Variants in VWA8 observed in about 807,000 individuals in gnomAD.
VWA8 encodes von Willebrand factor A domain containing 8.
In VWA8, 221 loss-of-function variants were observed where a neutral mutation model predicts 241.5. The ratio of observed to expected loss-of-function variants is 0.91; its 90% CI spans 0.82 to 1.02. The LOEUF is 1.02. Among genes scored for constraint, VWA8 ranks in the 50% least tolerant of loss-of-function variants. The probability of loss-of-function intolerance (pLI) is 0.00; values close to 1 mark genes in which losing one functional copy is unlikely to be tolerated. For synonymous variants in VWA8, 852 were observed against 827.1 expected (o/e 1.03, Z -0.52); for missense variants, 2,322 against 2,328.7 (o/e 1.00, Z 0.06).
chr13:41,712,516 A>G (rs574584128), intron 26 of VWA8, among the ~76,000 whole-genome samples: 10 of 152,234 alleles, frequency 6.6e-5, no homozygotes, highest in Non-Finnish European at 1.5e-4. Context: ...CTAGTCCTCA[A>G]TGCAAATATC....
intron 9 of VWA8, among the ~76,000 whole-genome samples, chr13:41,880,697 C>T (rs545115475): frequency 3.9e-5 from 6 of 152,318 alleles, no homozygotes; most frequent in African/African-American, 1.2e-4. Context: ...TAGAAATCTA[C>T]AATATTTCCT....
Position 41,715,452 on chromosome 13 carries a change from T to C in VWA8, c.3116+4139A>G, listed in dbSNP as rs1593715196. 2.0e-5 allele frequency among the ~76,000 whole-genome samples: 3 copies of C among 152,152 alleles called. No individual in the cohort carries two copies. The South Asian group carries it at 6.2e-4, about 32-fold the overall frequency. ...TCATGAAAAAGATAGCATTTTTTTCTTTCTTTAAAACAAATGTTTTCCCAG... is the reference window on the plus strand; with the variant it reads ...TCATGAAAAAGATAGCATTTTTTTCCTTCTTTAAAACAAATGTTTTCCCAG... On this transcript the variant is annotated intron_variant, in intron 26 of 44. Transcript: ENST00000379310.
chr13:41,645,549 T>C (rs1415368890), intron 37 of VWA8, among the ~76,000 whole-genome samples: 2 of 152,222 alleles, frequency 1.3e-5, no homozygotes, highest in African/African-American at 2.4e-5. Context: ...TTTTTATGGC[T>C]CTGGCAGCTG....
At chr13:41,888,548 T>C (rs1874658196) in intron 5 of VWA8, among the ~76,000 whole-genome samples, 1 of 152,106 alleles carries the variant, frequency 6.6e-6, no homozygotes, top group Admixed American at 6.5e-5. Context: ...AACAACACCC[T>C]TTTCACTCGC....
chr13:41,893,520 C>A (rs1330647815), intron 4 of VWA8, among the ~76,000 whole-genome samples: 3 of 141,558 alleles, frequency 2.1e-5, no homozygotes, highest in Admixed American at 7.0e-5. Flanking sequence ...AGAACAACAA[C>A]AAAAAAAAGA....
At chr13:41,788,287 A>C (rs1187863808) in intron 17 of VWA8, among the ~76,000 whole-genome samples, 1 of 152,194 alleles carries the variant, frequency 6.6e-6, no homozygotes, top group Non-Finnish European at 1.5e-5. Context: ...AAATAAACAT[A>C]CTAAGAACAT....
intron 42 of VWA8, 128 bp downstream of exon 42, chr13:41,587,384 T>C (rs1236590035): frequency 2.5e-5 from 30 of 1,214,834 alleles, no homozygotes; most frequent in South Asian, 3.5e-5. Context: ...AAAGCTTCAC[T>C]TTCTCTGCAC....
intron 2 of VWA8, among the ~76,000 whole-genome samples, chr13:41,915,129 T>C (rs1452847940): frequency 6.6e-6 from 1 of 152,226 alleles, no homozygotes; most frequent in African/African-American, 2.4e-5. Flanking sequence ...GTTATAGCCA[T>C]AATAGAGACA....
intron 2 of VWA8, among the ~76,000 whole-genome samples, chr13:41,924,270 T>C (rs1289309837): frequency 6.6e-6 from 1 of 151,288 alleles, no homozygotes; most frequent in Non-Finnish European, 1.5e-5. Flanking sequence ...AAATAAAAAA[T>C]ACAAGACAGA....
At chr13:41,891,201 C>CAA (rs11422492) in intron 5 of VWA8, among the ~76,000 whole-genome samples, 8,805 of 136,388 alleles carry the variant, frequency 0.065, 319 homozygotes, top group East Asian at 0.12. Context: ...TTAGACTGAC[C>CAA]AAAAAAAAAA....
chr13:41,651,146 T>C (rs375662856), intron 37 of VWA8, among the ~76,000 whole-genome samples: 1 of 152,078 alleles, frequency 6.6e-6, no homozygotes, highest in Non-Finnish European at 1.5e-5. Context: ...TACAGCCATC[T>C]GATCTTTGAC....
chr13:41,828,913 G>T (rs1191086071), intron 14 of VWA8, among the ~76,000 whole-genome samples: 1 of 151,882 alleles, frequency 6.6e-6, no homozygotes, highest in African/African-American at 2.4e-5. Flanking sequence ...TCTCACCATT[G>T]CATTTGGTTG....
chr13:41,832,990 A>C (rs35647260), intron 13 of VWA8, among the ~76,000 whole-genome samples: 28,827 of 152,038 alleles, frequency 0.19, 3,503 homozygotes, highest in East Asian at 0.37. Flanking sequence ...ATTAAGATCT[A>C]TGATTGATAA....
At chr13:41,874,053 C>T (rs1430122716) in intron 9 of VWA8, among the ~76,000 whole-genome samples, 1 of 151,850 alleles carries the variant, frequency 6.6e-6, no homozygotes, top group Non-Finnish European at 1.5e-5. Flanking sequence ...TAAATGTAAT[C>T]CAGCATATAA....
At chr13:41,577,909 C>G (rs1253763113) in intron 42 of VWA8, among the ~76,000 whole-genome samples, 1 of 152,170 alleles carries the variant, frequency 6.6e-6, no homozygotes, top group Non-Finnish European at 1.5e-5. Context: ...GTCAATGTAA[C>G]TGGTCAAAGA....
chr13:41,757,618 C>T (rs1271762006), intron 21 of VWA8, among the ~76,000 whole-genome samples: 2 of 151,612 alleles, frequency 1.3e-5, no homozygotes, highest in Admixed American at 1.3e-4. Context: ...TAGCAGTCCC[C>T]ACTATCTATT....
chr13:41,797,194 G>GTT, intron 17 of VWA8, among the ~76,000 whole-genome samples: 1 of 110,140 alleles, frequency 9.1e-6, no homozygotes, highest in African/African-American at 2.8e-5. Flanking sequence ...CCACACCCAA[G>GTT]TATTTTTTTT....
chr13:41,771,174 G>A (rs1458246646), intron 20 of VWA8, among the ~76,000 whole-genome samples: 1 of 152,120 alleles, frequency 6.6e-6, no homozygotes, highest in Non-Finnish European at 1.5e-5. Context: ...CCAGGCTAGA[G>A]TGCAGTGCTG....
At chr13:41,849,189 T>A (rs185575816) in intron 12 of VWA8, among the ~76,000 whole-genome samples, 96 of 152,294 alleles carry the variant, frequency 6.3e-4, no homozygotes, top group Non-Finnish European at 6.9e-4. Flanking sequence ...GTGATGTGGA[T>A]CCTGAAAAAC....
Sources: gnomAD v4.1 joint callset for allele counts (sites outside exome capture counted in the v4.1 genomes callset) on GRCh38, gnomAD v4.1.1 for gene constraint, MANE v1.5 for transcripts, NCBI Gene and HGNC (gene_info 2026-07-23, HGNC 2026-07-21) for gene names.